CCSER2: variants seen among roughly 807,000 people sequenced by gnomAD.
CCSER2 encodes the protein serine-rich coiled-coil domain-containing protein 2.
CCSER2 carries 46 observed loss-of-function variants against 92.3 expected under a neutral mutation model. The observed-to-expected ratio is 0.50, with a 90% CI of 0.39 to 0.64. The LOEUF (loss-of-function observed/expected upper bound fraction) is 0.64. Ranked by LOEUF, CCSER2 falls within the 30% of genes least tolerant of loss-of-function variation. The probability of loss-of-function intolerance (pLI) is 0.00; values close to 1 mark genes in which losing one functional copy is unlikely to be tolerated. For missense variants in CCSER2, 1,244 were observed against 1,238.9 expected (o/e 1.00, Z -0.06); for synonymous variants, 433 against 431.4 (o/e 1.00, Z -0.04).
chr10:84,411,357 T>C (rs1842640454), intron 3 of CCSER2, among the ~76,000 whole-genome samples: 2 of 152,208 alleles, frequency 1.3e-5, no homozygotes, highest in Non-Finnish European at 2.9e-5. Context: ...GGTAGTTTAA[T>C]GGGAATAACA....
Position 84,491,403 on chromosome 10 carries a change from C to T in CCSER2, c.2325+13739C>T, listed in dbSNP as rs547817287. On this transcript the variant is annotated intron_variant, in intron 9 of 9. Coordinates refer to ENST00000372088, the MANE Select transcript of CCSER2 (RefSeq NM_001284240.2). ...TGGGCTCCACCCAGTTCGAGCTTCC[C>T]GGCCACTTTCTTTACCTACTCAAGC... Among the ~76,000 whole-genome samples the T allele has an allele frequency of 3.6e-4, 55 of 152,302 alleles. No homozygotes were observed. In the South Asian group the frequency reaches 7.7e-3, roughly 21 times the overall value.
chr10:84,340,615 T>G (rs539369254), intron 1 of CCSER2, among the ~76,000 whole-genome samples: 1 of 152,246 alleles, frequency 6.6e-6, no homozygotes, highest in South Asian at 2.1e-4. Flanking sequence ...TTTGTCTGAA[T>G]TTTTTTCCTT....
intron 1 of CCSER2, among the ~76,000 whole-genome samples, chr10:84,357,711 A>G (rs1053939129): frequency 9.2e-5 from 14 of 151,936 alleles, no homozygotes; most frequent in African/African-American, 2.9e-4. Flanking sequence ...CAGACTCCCA[A>G]AGTGTTGGGA....
intron 9 of CCSER2, chr10:84,499,743 A>G: frequency 1.3e-6 from 1 of 745,930 alleles, no homozygotes; most frequent in Admixed American, 3.2e-5. Context: ...GTATTTTAAA[A>G]AAATGAAATC....
At chr10:84,384,500 A>G (rs954915463) in intron 3 of CCSER2, among the ~76,000 whole-genome samples, 22 of 152,256 alleles carry the variant, frequency 1.4e-4, no homozygotes, top group Non-Finnish European at 2.5e-4. Context: ...GTGACCCACC[A>G]CATAAACAGA....
chr10:84,404,309 C>T (rs773065559), intron 3 of CCSER2, among the ~76,000 whole-genome samples: 30 of 152,302 alleles, frequency 2.0e-4, no homozygotes, highest in Non-Finnish European at 3.5e-4. Context: ...GATGGGGAAG[C>T]AGGTTGGAGT....
In CCSER2 at chr10:84,371,570, T is replaced by A. The variant is rs746233386; in HGVS notation, c.518T>A (p.Leu173Ter). 1.2e-6 allele frequency: 2 copies of A among 1,613,734 alleles called. No individual in the cohort carries two copies. The highest frequency in any genetic ancestry group is 1.7e-6 in the Non-Finnish European group (2 of 1,179,812). Residue 173 changes from leucine (L) to a stop codon, truncating the protein, a stop_gained, in exon 2 of 10, where the codon TTG (leucine) becomes TAG (stop). Coordinates refer to ENST00000372088, the MANE Select transcript of CCSER2 (RefSeq NM_001284240.2). LOFTEE classifies it high-confidence loss of function. ...YSSINTPKSQ[L>*]NGFYGNRSAG... Reference sequence around the variant, plus strand: ...TCGATCAATACTCCAAAATCACAGTTGAATGGATTTTATGGAAACCGATCA... The same window carrying A: ...TCGATCAATACTCCAAAATCACAGTAGAATGGATTTTATGGAAACCGATCA...
chr10:84,350,588 C>T (rs749262907), intron 1 of CCSER2, among the ~76,000 whole-genome samples: 1 of 152,218 alleles, frequency 6.6e-6, no homozygotes, highest in Non-Finnish European at 1.5e-5. Context: ...TGCACTATCT[C>T]TGTCAAGTGC....
chr10:84,483,995 A>ATATG (rs1564711747), intron 9 of CCSER2, among the ~76,000 whole-genome samples: 4 of 72,336 alleles, frequency 5.5e-5, no homozygotes, highest in Non-Finnish European at 9.4e-5. Flanking sequence ...ATATATATAT[A>ATATG]TAATTTTTTT....
At chr10:84,415,793 C>T (rs1022247451) in intron 3 of CCSER2, among the ~76,000 whole-genome samples, 1 of 152,178 alleles carries the variant, frequency 6.6e-6, no homozygotes, top group Non-Finnish European at 1.5e-5. Context: ...TGGCGGCTGC[C>T]CCTCCTCCTG....
intron 6 of CCSER2, among the ~76,000 whole-genome samples, chr10:84,457,250 A>G (rs1263890689): frequency 3.3e-5 from 2 of 60,234 alleles, no homozygotes; most frequent in Admixed American, 3.6e-4. Context: ...TATATTATAT[A>G]TTATATAAAA....
chr10:84,366,567 T>G, intron 1 of CCSER2, among the ~76,000 whole-genome samples: 1 of 152,282 alleles, frequency 6.6e-6, no homozygotes, highest in East Asian at 1.9e-4. Flanking sequence ...TAACTGGAAA[T>G]GTTGGTGGAT....
chr10:84,394,049 G>T (rs1841680686), intron 3 of CCSER2: 1 of 152,128 alleles, frequency 6.6e-6, no homozygotes, highest in African/African-American at 2.4e-5. Flanking sequence ...AGATCTTTTT[G>T]TCCTATTAAT....
intron 4 of CCSER2, among the ~76,000 whole-genome samples, chr10:84,421,419 G>A (rs1843143813): frequency 6.6e-6 from 1 of 152,132 alleles, no homozygotes. Flanking sequence ...CATGCTGGAA[G>A]GGGGAGCAAA....
At chr10:84,461,758 A>G (rs1490570093) in intron 6 of CCSER2, among the ~76,000 whole-genome samples, 1 of 151,048 alleles carries the variant, frequency 6.6e-6, no homozygotes, top group African/African-American at 2.4e-5. Flanking sequence ...AATCTCTTCC[A>G]GTTCTACCTT....
chr10:84,475,472 A>G (rs1380806217), intron 8 of CCSER2, among the ~76,000 whole-genome samples: 1 of 152,232 alleles, frequency 6.6e-6, no homozygotes, highest in African/African-American at 2.4e-5. Flanking sequence ...AAAATAAATC[A>G]TAGACAGTCT....
chr10:84,507,229 G>C (rs1393306984), intron 9 of CCSER2: 2 of 733,336 alleles, frequency 2.7e-6, no homozygotes, highest in African/African-American at 3.8e-5. Flanking sequence ...GGTGTTGTGT[G>C]TGGTCTCTGA....
chr10:84,449,432 C>A (rs974686471), intron 6 of CCSER2, among the ~76,000 whole-genome samples: 1 of 152,034 alleles, frequency 6.6e-6, no homozygotes, highest in Non-Finnish European at 1.5e-5. Context: ...GGCAAATTTT[C>A]CTACTTGTAC....
intron 8 of CCSER2, 151 bp from the exon 9 acceptor site, chr10:84,477,424 A>G (rs1196945829): frequency 3.9e-6 from 2 of 513,438 alleles, no homozygotes; most frequent in Non-Finnish European, 6.9e-6. Flanking sequence ...AGCCCTGATT[A>G]CCTCCTGTCA....
Sources: gnomAD v4.1 joint callset for allele counts (sites outside exome capture counted in the v4.1 genomes callset) on GRCh38, gnomAD v4.1.1 for gene constraint, MANE v1.5 for transcripts, NCBI Gene and HGNC (gene_info 2026-07-23, HGNC 2026-07-21) for gene names.